Variants in PTPRG observed in about 807,000 individuals in gnomAD.
PTPRG encodes the protein protein tyrosine phosphatase receptor type G.
A neutral mutation model predicts 165.3 loss-of-function variants in PTPRG; 102 were observed. The observed-to-expected ratio is 0.62, with a 90% CI of 0.53 to 0.73. PTPRG has a LOEUF of 0.73. PTPRG is among the 30% of genes least tolerant of loss of function. PTPRG has a pLI of 0.00. For synonymous variants in PTPRG, 675 were observed against 669.5 expected (o/e 1.01, Z -0.13); for missense variants, 1,866 against 1,861.4 (o/e 1.00, Z -0.05).
chr3:61,921,163 CTT>C (rs2107561644), intron 2 of PTPRG, among the ~76,000 whole-genome samples: 1 of 148,768 alleles, frequency 6.7e-6, no homozygotes, highest in African/African-American at 2.5e-5. Flanking sequence ...TTCCTTCCTT[CTT>C]ACCTATCTAC....
intron 1 of PTPRG, among the ~76,000 whole-genome samples, chr3:61,607,273 C>G (rs1559521633): frequency 6.6e-6 from 1 of 152,212 alleles, no homozygotes. Flanking sequence ...AGAGCAGTCC[C>G]TGTTAGGTTT....
At chr3:62,281,759 C>T (rs1702459960) in intron 27 of PTPRG, 50 bp downstream of exon 27, 1 of 1,504,438 alleles carries the variant, frequency 6.6e-7, no homozygotes, top group Non-Finnish European at 9.0e-7. Context: ...GGCCCTGGAT[C>T]ATCATTCTAA....
chr3:62,043,829 T>TA (rs1354042907), intron 4 of PTPRG, among the ~76,000 whole-genome samples: 1 of 152,024 alleles, frequency 6.6e-6, no homozygotes, highest in East Asian at 1.9e-4. Context: ...CGGAAGAAAA[T>TA]ACGTGAATGA....
chr3:62,132,705 T>C lies in PTPRG; in HGVS notation c.682+37T>C, dbSNP rs114254859. On this transcript the variant is annotated intron_variant, in intron 6 of 29. Coordinates refer to ENST00000474889, the MANE Select transcript of PTPRG (RefSeq NM_002841.4). ...ACATACACTTCCTTTTGCTGGGATG[T>C]GAAGGGCTCAGATCTCTACCTAAAA... 5.6e-4 allele frequency: 857 copies of C among 1,529,808 alleles called. 3 individuals carry two copies. The African/African-American group carries it at 8.6e-3, about 15-fold the overall frequency. 94.8% of individuals were successfully genotyped at this position (1,529,808 alleles called of 1,614,324 possible). A position where few individuals can be genotyped will look rare whatever the true frequency, so the allele number is the denominator to read the frequency against.
At chr3:62,139,672 C>T (rs1187289294) in intron 6 of PTPRG, among the ~76,000 whole-genome samples, 1 of 152,166 alleles carries the variant, frequency 6.6e-6, no homozygotes, top group Non-Finnish European at 1.5e-5. Context: ...CTTGTCGAAA[C>T]ACGGCACTGG....
At chr3:62,183,057 G>A (rs1025812822) in intron 8 of PTPRG, among the ~76,000 whole-genome samples, 2 of 152,186 alleles carry the variant, frequency 1.3e-5, no homozygotes, top group African/African-American at 4.8e-5. Context: ...TTTATCCAAG[G>A]CCACACAACT....
chr3:62,221,844 T>A (rs1043012050), intron 13 of PTPRG, among the ~76,000 whole-genome samples: 1 of 152,238 alleles, frequency 6.6e-6, no homozygotes, highest in South Asian at 2.1e-4. Flanking sequence ...AATAGGTTCA[T>A]GAAATAGTGG....
In PTPRG at chr3:61,768,515, G is replaced by A. The variant is rs571358330; in HGVS notation, c.190+19533G>A. On this transcript the variant is annotated intron_variant, in intron 2 of 29. Transcript: ENST00000474889. ...AGTAGCTAAGTATGGGTTGTTGCTC[G>A]GAGAGCATTTTCTCAAAATCTGTGT... 5.3e-5 allele frequency among the ~76,000 whole-genome samples: 8 copies of A among 152,268 alleles called. No individual in the cohort carries two copies. In the South Asian group the frequency reaches 1.0e-3, roughly 20 times the overall value.
chr3:62,195,280 A>G lies in PTPRG; in HGVS notation c.1327+110A>G, dbSNP rs1699931440. 1 of 998,716 alleles carries G rather than the reference A, an allele frequency of 1.0e-6. No homozygotes were observed. 61.9% of individuals were successfully genotyped at this position (998,716 alleles called of 1,614,324 possible). A position where few individuals can be genotyped will look rare whatever the true frequency, so the allele number is the denominator to read the frequency against. On this transcript the variant is annotated intron_variant, in intron 10 of 29. Coordinates refer to ENST00000474889, the MANE Select transcript of PTPRG (RefSeq NM_002841.4). This position sits in a 1 kb window ranked among gnomAD's most constrained non-coding sequence, Gnocchi z 4.4. ...GGAAAAATACAAACAAGCCTGGCAG[A>G]AGAATCAGTGTAGGGTTTTAAAGCC...
intron 5 of PTPRG, among the ~76,000 whole-genome samples, chr3:62,101,678 A>G (rs1180397203): frequency 6.6e-6 from 1 of 152,230 alleles, no homozygotes; most frequent in Non-Finnish European, 1.5e-5. Context: ...AGTGGCCTCC[A>G]GTGGCCTGTG....
intron 2 of PTPRG, among the ~76,000 whole-genome samples, chr3:61,975,208 G>A (rs1235886959): frequency 3.3e-5 from 5 of 152,190 alleles, no homozygotes; most frequent in African/African-American, 9.7e-5. Flanking sequence ...GTTAAAAACC[G>A]TTTACTAGGG....
At position 61,886,553 on chromosome 3, in the gene PTPRG, C is replaced by T. The variant is rs372858199; in HGVS notation, c.191-103072C>T. ...TACAACTTGTCCTGTATGCCTTCCC[C>T]GCCCTGCCCCTTGCCACCTCCACTG... On this transcript the variant is annotated intron_variant, in intron 2 of 29. Transcript: ENST00000474889. Among the ~76,000 whole-genome samples the T allele has an allele frequency of 5.9e-5, 9 of 152,186 alleles. No individual in the cohort carries two copies. The East Asian group carries it at 7.8e-4, about 13-fold the overall frequency.
chr3:61,569,621 C>T (rs192156050), intron 1 of PTPRG, among the ~76,000 whole-genome samples: 41 of 152,240 alleles, frequency 2.7e-4, no homozygotes, highest in African/African-American at 8.4e-4. Context: ...TCCTGGCCAC[C>T]GTTTTTAAGT....
chr3:62,256,957 G>A (rs1367589369), intron 16 of PTPRG, among the ~76,000 whole-genome samples: 2 of 152,076 alleles, frequency 1.3e-5, no homozygotes, highest in South Asian at 2.1e-4. Flanking sequence ...AGCTTTAATC[G>A]CCTACATTGA....
rs568427658 is a variant in PTPRG, at chr3:61,641,127, C to T, written c.85+78755C>T. Among the ~76,000 whole-genome samples the T allele has an allele frequency of 1.9e-4, 29 of 152,248 alleles. No individual in the cohort carries two copies. In the South Asian group the frequency reaches 5.6e-3, roughly 29 times the overall value. On this transcript the variant is annotated intron_variant, in intron 1 of 29. Transcript: ENST00000474889. ...TTTGATCATCAACTCCTTGGAGTAG[C>T]CTGTTAGCTCTTAAATACTCTCAGT...
intron 1 of PTPRG, among the ~76,000 whole-genome samples, chr3:61,713,047 G>A (rs2031639468): frequency 6.6e-6 from 1 of 151,946 alleles, no homozygotes. Flanking sequence ...CATCAGCCAT[G>A]TTTTGTTGTT....
chr3:62,189,274 G>T (rs1489224522), intron 8 of PTPRG, among the ~76,000 whole-genome samples: 2 of 152,150 alleles, frequency 1.3e-5, no homozygotes, highest in Non-Finnish European at 2.9e-5. Flanking sequence ...AAGAGTAAAA[G>T]GTGGCCTCCC....
chr3:61,793,844 G>T (rs2034966257), intron 2 of PTPRG, among the ~76,000 whole-genome samples: 2 of 152,154 alleles, frequency 1.3e-5, no homozygotes, highest in Non-Finnish European at 2.9e-5. Context: ...TGGTGAAAAT[G>T]ACACTGTGAG....
intron 2 of PTPRG, among the ~76,000 whole-genome samples, chr3:61,825,177 G>T (rs2036070158): frequency 6.6e-6 from 1 of 152,180 alleles, no homozygotes; most frequent in Admixed American, 6.5e-5. Flanking sequence ...AAGTTTTCAG[G>T]TTATTGGACA....
Sources: allele counts gnomAD v4.1 joint callset (sites outside exome capture counted in the v4.1 genomes callset), GRCh38; gene constraint gnomAD v4.1.1; non-coding constraint Gnocchi (gnomAD v3.1); transcripts MANE v1.5; gene names NCBI Gene and HGNC (gene_info 2026-07-23, HGNC 2026-07-21).